Variants in FOXP1 observed in about 807,000 individuals in gnomAD.
FOXP1 encodes the protein forkhead box protein P1.
A neutral mutation model predicts 98.2 loss-of-function variants in FOXP1; 15 were observed. The ratio of observed to expected loss-of-function variants is 0.15; its 90% CI spans 0.10 to 0.24. The LOEUF (loss-of-function observed/expected upper bound fraction) is 0.24, where lower values mean the gene tolerates loss of function less well. FOXP1 is among the 10% of genes least tolerant of loss of function. The pLI, the probability that FOXP1 is intolerant of heterozygous loss-of-function variation, is 1.00. For synonymous variants in FOXP1, 371 were observed against 314.5 expected, an observed-to-expected ratio of 1.18 and a Z score of -1.90; for missense variants, 633 against 848.5, an observed-to-expected ratio of 0.75 and a Z score of 3.15.
At chr3:71,455,622 T>C (rs2087409246) in intron 3 of FOXP1, among the ~76,000 whole-genome samples, 1 of 152,140 alleles carries the variant, frequency 6.6e-6, no homozygotes, top group Non-Finnish European at 1.5e-5. Flanking sequence ...CAAGACACAT[T>C]TGCTTCTGGG....
intron 4 of FOXP1, among the ~76,000 whole-genome samples, chr3:71,309,802 CATGATAAA>C (rs901423100): frequency 6.6e-6 from 1 of 151,850 alleles, no homozygotes; most frequent in African/African-American, 2.4e-5. Context: ...AGAACCTCAC[CATGATAAA>C]AATGTTCTCA....
chr3:71,479,992 T>C (rs2090146666), intron 3 of FOXP1, among the ~76,000 whole-genome samples: 1 of 152,090 alleles, frequency 6.6e-6, no homozygotes, highest in Non-Finnish European at 1.5e-5. Flanking sequence ...GGTCAGGAGT[T>C]CGACACCAGC....
intron 2 of FOXP1, among the ~76,000 whole-genome samples, chr3:71,505,300 G>A (rs1167174484): frequency 1.3e-5 from 2 of 152,008 alleles, no homozygotes; most frequent in Non-Finnish European, 2.9e-5. Context: ...ACCCCTGGTA[G>A]TGCAGCTTGG....
intron 5 of FOXP1, among the ~76,000 whole-genome samples, chr3:71,230,046 A>G (rs1388545435): frequency 4.1e-5 from 6 of 146,934 alleles, no homozygotes; most frequent in Admixed American, 4.1e-4. Flanking sequence ...AGGCAGCCTC[A>G]AGTTCTACAA....
rs373023491 is a variant in FOXP1, at chr3:71,513,043, C to A, written c.-297-19488G>T. Among the ~76,000 whole-genome samples, 6 of 152,266 alleles carry A rather than the reference C, an allele frequency of 3.9e-5. No individual in the cohort carries two copies. In the East Asian group the frequency reaches 1.2e-3, roughly 29 times the overall value. On this transcript the variant is annotated intron_variant, in intron 2 of 20. Coordinates refer to ENST00000649528, the MANE Select transcript of FOXP1 (RefSeq NM_001349338.3). ...ACATGAAAACAGCCTGCTCCAGTAG[C>A]ATTTACCAGGCATTCCTAACTCCCT... is the stretch of plus-strand genomic sequence containing the variant.
intron 6 of FOXP1, among the ~76,000 whole-genome samples, chr3:71,160,024 G>A (rs2061053868): frequency 6.6e-6 from 1 of 152,166 alleles, no homozygotes; most frequent in African/African-American, 2.4e-5. Context: ...CTTCCTTCAA[G>A]AAGAGGCATT....
At chr3:71,135,392 C>G (rs1351147606) in intron 6 of FOXP1, among the ~76,000 whole-genome samples, 6 of 151,784 alleles carry the variant, frequency 4.0e-5, no homozygotes, top group Non-Finnish European at 7.4e-5. Context: ...TAAACCAGTC[C>G]AAGCCAGTGA....
rs188713555 is a variant in FOXP1 at position 71,047,971 on chromosome 3, C to T, written c.511-876G>A. Among the ~76,000 whole-genome samples the T allele has an allele frequency of 1.7e-4, 26 of 152,208 alleles. 2 individuals are homozygous for T. Among genetic ancestry groups the T allele is most frequent in the Non-Finnish European group, 2.9e-5 (2 of 68,022 alleles). On this transcript the variant is annotated intron_variant, in intron 9 of 20. Coordinates refer to ENST00000649528, the MANE Select transcript of FOXP1 (RefSeq NM_001349338.3). ...AGCCAAAAAAATTAATGTAGATTTCCTCAGTAATTATCTGAGTGATAGAAA... is the reference window on the plus strand; with the variant it reads ...AGCCAAAAAAATTAATGTAGATTTCTTCAGTAATTATCTGAGTGATAGAAA...
At chr3:71,181,705 A>G (rs1402075858) in intron 6 of FOXP1, among the ~76,000 whole-genome samples, 1 of 152,144 alleles carries the variant, frequency 6.6e-6, no homozygotes, top group Admixed American at 6.5e-5. Flanking sequence ...CTGGGAAGAA[A>G]CTTAGAAGTG....
At chr3:70,971,948 G>T in intron 18 of FOXP1, 1 of 1,291,362 alleles carries the variant, frequency 7.7e-7, no homozygotes. Flanking sequence ...CATGGGATGA[G>T]TCAACCATGC....
intron 3 of FOXP1, among the ~76,000 whole-genome samples, chr3:71,382,193 T>G (rs1005710524): frequency 6.6e-6 from 1 of 151,912 alleles, no homozygotes; most frequent in Non-Finnish European, 1.5e-5. Context: ...GAGAATTGCT[T>G]GAGCCCAGGA....
At chr3:70,963,368 G>A (rs1304392521) in intron 20 of FOXP1, among the ~76,000 whole-genome samples, 1 of 152,210 alleles carries the variant, frequency 6.6e-6, no homozygotes, top group Non-Finnish European at 1.5e-5. Flanking sequence ...TGTGGCAAAC[G>A]TGTAGCACAA....
chr3:71,501,623 T>C (rs62244863), intron 2 of FOXP1, among the ~76,000 whole-genome samples: 54,059 of 152,004 alleles, frequency 0.36, 10,358 homozygotes, highest in Non-Finnish European at 0.43. Flanking sequence ...AACAACAACA[T>C]GACCTTTCGA....
intron 3 of FOXP1, among the ~76,000 whole-genome samples, chr3:71,406,889 T>C (rs938257062): frequency 2.0e-5 from 3 of 152,102 alleles, no homozygotes; most frequent in Admixed American, 2.0e-4. Flanking sequence ...GTATTTTACC[T>C]GCCCCTGCAA....
At position 71,258,868 on chromosome 3, in the gene FOXP1, G is replaced by A. The variant is rs377608222; in HGVS notation, c.-12+40952C>T. ...CCTAAGAATGGGATGGGCTGAGGCC[G>A]GGTACAGTGGCTCATGCCTGTAATC... On this transcript the variant is annotated intron_variant, in intron 5 of 20. Transcript: ENST00000649528. Among the ~76,000 whole-genome samples the A allele has an allele frequency of 6.6e-5, 10 of 152,124 alleles. No homozygotes were observed. The East Asian group carries it at 7.8e-4, about 12-fold the overall frequency.
At chr3:71,258,044 G>T (rs2068783656) in intron 5 of FOXP1, among the ~76,000 whole-genome samples, 1 of 152,220 alleles carries the variant, frequency 6.6e-6, no homozygotes, top group East Asian at 1.9e-4. Context: ...AACATCCACG[G>T]AGCGCCTACG....
At chr3:71,343,968 A>T (rs2077170753) in intron 4 of FOXP1, among the ~76,000 whole-genome samples, 1 of 152,142 alleles carries the variant, frequency 6.6e-6, no homozygotes, top group Non-Finnish European at 1.5e-5. Flanking sequence ...TCTTAAATAG[A>T]TCTCTGTTTG....
At chr3:71,220,315 C>T (rs6549384) in intron 5 of FOXP1, among the ~76,000 whole-genome samples, 129,504 of 152,210 alleles carry the variant, frequency 0.85, 55,114 homozygotes, top group East Asian at 0.92. Context: ...ACATGAATGA[C>T]ATTTCTCAGC....
intron 4 of FOXP1, among the ~76,000 whole-genome samples, chr3:71,337,169 G>A (rs1052726871): frequency 2.0e-5 from 3 of 152,194 alleles, no homozygotes; most frequent in Admixed American, 6.5e-5. Context: ...AGGGCTGTGA[G>A]TGGAACAGGA....
Sources: gnomAD v4.1 joint callset for allele counts (sites outside exome capture counted in the v4.1 genomes callset) on GRCh38, gnomAD v4.1.1 for gene constraint, MANE v1.5 for transcripts, NCBI Gene and HGNC (gene_info 2026-07-23, HGNC 2026-07-21) for gene names.